Variants in KIAA1958 observed in about 807,000 individuals in gnomAD.
KIAA1958 encodes KIAA1958, also known as uncharacterized protein KIAA1958.
In KIAA1958, 14 loss-of-function variants were observed where a neutral mutation model predicts 47.2. The ratio of observed to expected loss-of-function variants is 0.30; its 90% CI spans 0.20 to 0.46. The LOEUF (loss-of-function observed/expected upper bound fraction) is 0.46. Among genes scored for constraint, KIAA1958 ranks in the 20% least tolerant of loss-of-function variants. The pLI is 1.00. For synonymous variants in KIAA1958, 354 were observed against 353.3 expected, an observed-to-expected ratio of 1.00 and a Z score of -0.02; for missense variants, 803 against 909.2, an observed-to-expected ratio of 0.88 and a Z score of 1.50.
chr9:112,522,379 TCCAG>T (rs1367586849), intron 1 of KIAA1958, among the ~76,000 whole-genome samples: 1 of 152,226 alleles, frequency 6.6e-6, no homozygotes, highest in African/African-American at 2.4e-5. Flanking sequence ...TGCCTAATAC[TCCAG>T]CAATAGTCAC....
intron 2 of KIAA1958, among the ~76,000 whole-genome samples, chr9:112,599,453 T>C: frequency 6.6e-6 from 1 of 152,244 alleles, no homozygotes. Context: ...GACTCATTTT[T>C]AGCTTTGAAA....
chr9:112,635,403 C>T (rs1436493438), intron 2 of KIAA1958, among the ~76,000 whole-genome samples: 2 of 152,052 alleles, frequency 1.3e-5, no homozygotes. Context: ...ATGCATGCCA[C>T]CACACCTGCC....
intron 1 of KIAA1958, among the ~76,000 whole-genome samples, chr9:112,525,737 C>T (rs1834627167): frequency 6.6e-6 from 1 of 151,788 alleles, no homozygotes; most frequent in Non-Finnish European, 1.5e-5. Context: ...AGAAAAGCCA[C>T]ATTGTGTCCT....
chr9:112,665,465 A>AT lies in KIAA1958; in HGVS notation c.*5399dup, dbSNP rs1837340931. 4 of 152,218 alleles carry AT rather than the reference A, an allele frequency of 2.6e-5. No individual in the cohort carries two copies. In the South Asian group the frequency reaches 6.2e-4, roughly 24 times the overall value. The allele number at this position is 152,218 out of a possible 1,614,324, so 9.4% of individuals were successfully genotyped here. A position where few individuals can be genotyped will look rare whatever the true frequency, so the allele number is the denominator to read the frequency against. Reference sequence around the variant, plus strand: ...GAAAATCTCACCGATAAGTTGGAGAATTTAAGTTTGTAAGTTGGAGAATGC... The same window carrying AT: ...GAAAATCTCACCGATAAGTTGGAGAATTTTAAGTTTGTAAGTTGGAGAATGC... On this transcript the variant is annotated 3_prime_UTR_variant, in exon 4 of 4. Transcript: ENST00000337530.
chr9:112,546,372 T>A (rs747747115), intron 1 of KIAA1958, among the ~76,000 whole-genome samples: 3 of 152,152 alleles, frequency 2.0e-5, no homozygotes, highest in African/African-American at 7.2e-5. Context: ...AGAAAACTTA[T>A]GAATAATTCA....
At chr9:112,635,958 T>C (rs530749665) in intron 2 of KIAA1958, among the ~76,000 whole-genome samples, 2 of 151,742 alleles carry the variant, frequency 1.3e-5, no homozygotes, top group Non-Finnish European at 2.9e-5. Flanking sequence ...TTTTCTTCTT[T>C]TGTAGCCTAT....
intron 2 of KIAA1958, among the ~76,000 whole-genome samples, chr9:112,596,391 A>G (rs1042285197): frequency 3.3e-5 from 5 of 152,170 alleles, no homozygotes; most frequent in Non-Finnish European, 1.5e-5. Flanking sequence ...ACAGGTTACT[A>G]GCTTTTTAAC....
At position 112,540,233 on chromosome 9, in the gene KIAA1958, C is replaced by T. The variant is rs141581542; in HGVS notation, c.-24-33824C>T. On this transcript the variant is annotated intron_variant, in intron 1 of 3. Transcript: ENST00000337530. ...GTGCTGATATGGGGAAAGAGGGATT[C>T]GAGGGGAAGGAGGTAGCAATGAAAT... is the stretch of plus-strand genomic sequence containing the variant. Among the ~76,000 whole-genome samples the T allele has an allele frequency of 3.7e-3, 569 of 151,864 alleles. 3 individuals carry two copies. The highest frequency in any genetic ancestry group is 0.013 in the African/African-American group (528 of 41,356).
intron 1 of KIAA1958, among the ~76,000 whole-genome samples, chr9:112,492,256 C>G (rs1043399314): frequency 6.6e-6 from 1 of 152,212 alleles, no homozygotes; most frequent in African/African-American, 2.4e-5. Context: ...TAAGGCCCCT[C>G]TCTTGGCTGA....
intron 1 of KIAA1958, among the ~76,000 whole-genome samples, chr9:112,509,570 T>A (rs1272052740): frequency 1.3e-5 from 2 of 152,154 alleles, no homozygotes; most frequent in African/African-American, 4.8e-5. Context: ...ATCACCATTG[T>A]TTGGGAGGTG....
intron 2 of KIAA1958, among the ~76,000 whole-genome samples, chr9:112,596,510 T>TA (rs2131195817): frequency 6.6e-6 from 1 of 152,342 alleles, no homozygotes; most frequent in South Asian, 2.1e-4. Flanking sequence ...TGCCTATACT[T>TA]ATAAATGAGT....
chr9:112,561,362 CA>C (rs1259426386), intron 1 of KIAA1958, among the ~76,000 whole-genome samples: 3 of 151,980 alleles, frequency 2.0e-5, no homozygotes, highest in Non-Finnish European at 4.4e-5. Flanking sequence ...CCTGTCTTTG[CA>C]AAATTCTTAA....
chr9:112,511,637 C>T (rs1216002616), intron 1 of KIAA1958, among the ~76,000 whole-genome samples: 1 of 152,032 alleles, frequency 6.6e-6, no homozygotes, highest in African/African-American at 2.4e-5. Flanking sequence ...AATTAGAATA[C>T]TAAACAAACA....
intron 3 of KIAA1958, among the ~76,000 whole-genome samples, chr9:112,654,984 C>T (rs534021859): frequency 2.0e-4 from 30 of 152,052 alleles, no homozygotes; most frequent in Non-Finnish European, 3.5e-4. Context: ...GTGAGAACCT[C>T]CAGAACAGTA....
At chr9:112,528,765 C>T (rs535257143) in intron 1 of KIAA1958, among the ~76,000 whole-genome samples, 7 of 152,284 alleles carry the variant, frequency 4.6e-5, no homozygotes, top group African/African-American at 1.7e-4. Flanking sequence ...GTGATCCGCC[C>T]ACCTCAGCCT....
At chr9:112,502,884 T>C (rs548894751) in intron 1 of KIAA1958, among the ~76,000 whole-genome samples, 8 of 152,372 alleles carry the variant, frequency 5.3e-5, no homozygotes, top group African/African-American at 1.9e-4. Context: ...TGTCCATCAG[T>C]AGGGGAATTA....
At chr9:112,621,078 T>C (rs565176802) in intron 2 of KIAA1958, among the ~76,000 whole-genome samples, 21 of 152,290 alleles carry the variant, frequency 1.4e-4, no homozygotes, top group Non-Finnish European at 1.5e-5. Flanking sequence ...TATTTAAGTT[T>C]CTCAGTACCA....
chr9:112,519,480 A>G (rs1834500424), intron 1 of KIAA1958, among the ~76,000 whole-genome samples: 1 of 152,228 alleles, frequency 6.6e-6, no homozygotes, highest in African/African-American at 2.4e-5. Context: ...ATAATTTTAC[A>G]GTAACAAAAG....
chr9:112,529,990 C>T (rs1279504770), intron 1 of KIAA1958, among the ~76,000 whole-genome samples: 1 of 152,116 alleles, frequency 6.6e-6, no homozygotes, highest in Non-Finnish European at 1.5e-5. Context: ...ACTATAGGCG[C>T]CCGCCACCAC....
Sources: allele counts gnomAD v4.1 joint callset (sites outside exome capture counted in the v4.1 genomes callset), GRCh38; gene constraint gnomAD v4.1.1; transcripts MANE v1.5; gene names NCBI Gene and HGNC (gene_info 2026-07-23, HGNC 2026-07-21).